Variants in KIF6 observed in about 807,000 individuals in gnomAD.
The protein encoded by KIF6 is kinesin-like protein KIF6.
In KIF6, 106 loss-of-function variants were observed where a neutral mutation model predicts 112.7. That is an observed-to-expected ratio of 0.94 (90% CI 0.80 to 1.11). KIF6 has a LOEUF of 1.11. Ranked by LOEUF, KIF6 falls within the 50% of genes least tolerant of loss-of-function variation. The probability of loss-of-function intolerance (pLI) is 0.00; values close to 1 mark genes in which losing one functional copy is unlikely to be tolerated. For synonymous variants in KIF6, 339 were observed against 339.9 expected, an observed-to-expected ratio of 1.00 and a Z score of 0.03; for missense variants, 929 against 964.0, an observed-to-expected ratio of 0.96 and a Z score of 0.48.
At chr6:39,599,361 TC>T (rs2150692293) in intron 6 of KIF6, among the ~76,000 whole-genome samples, 1 of 152,334 alleles carries the variant, frequency 6.6e-6, no homozygotes, top group East Asian at 1.9e-4. Context: ...GAATGGCAAT[TC>T]AACCAGAAAT....
Position 39,544,632 on chromosome 6 carries a change from T to G in KIF6, c.1349A>C (p.Gln450Pro), listed in dbSNP as rs1313399497. 1 of 1,612,566 alleles carries G rather than the reference T, an allele frequency of 6.2e-7. No individual in the cohort carries two copies. The highest frequency in any genetic ancestry group is 1.1e-5 in the South Asian group (1 of 90,842). Residue 450 changes from glutamine (Q) to proline (P), a missense_variant, in exon 12 of 23, where the codon CAA becomes CCA. By Grantham distance (76) the Gln-to-Pro change is moderately conservative (BLOSUM62 -1). This residue lies in a region of KIF6 where 688 missense variants were observed against 662.7 expected (regional missense o/e 1.04). Coordinates refer to ENST00000287152, the MANE Select transcript of KIF6 (RefSeq NM_145027.6). ...NNTVSSESKD[Q>P]DCQEPLKEEE... ...TTCTTTTAATGGTTCTTGACAATCT[T>G]GGTCTTTGCTTTCAGAGGAGACTGT...
chr6:39,481,375 T>C (rs1774787908), intron 13 of KIF6, among the ~76,000 whole-genome samples: 2 of 152,204 alleles, frequency 1.3e-5, no homozygotes, highest in East Asian at 3.8e-4. Flanking sequence ...CTCTTCAACA[T>C]ATAAAATAAA....
intron 10 of KIF6, among the ~76,000 whole-genome samples, chr6:39,566,936 G>T (rs1780313865): frequency 6.6e-6 from 1 of 152,076 alleles, no homozygotes; most frequent in Non-Finnish European, 1.5e-5. Flanking sequence ...AGAAATTTTA[G>T]TAAATACAGC....
At chr6:39,441,461 T>C (rs2026670) in intron 13 of KIF6, among the ~76,000 whole-genome samples, 63,049 of 151,964 alleles carry the variant, frequency 0.41, 14,354 homozygotes, top group African/African-American at 0.6. Flanking sequence ...CCCTAGCATG[T>C]GTGTATCACT....
At chr6:39,532,127 G>A (rs1778104514) in intron 13 of KIF6, among the ~76,000 whole-genome samples, 1 of 152,172 alleles carries the variant, frequency 6.6e-6, no homozygotes, top group Admixed American at 6.6e-5. Context: ...CAGTAATACA[G>A]ACGTGTACTT....
At chr6:39,589,336 T>TA (rs1781807086) in intron 7 of KIF6, among the ~76,000 whole-genome samples, 2 of 152,166 alleles carry the variant, frequency 1.3e-5, no homozygotes, top group East Asian at 3.9e-4. Flanking sequence ...TTATACTACT[T>TA]ATCACTATTT....
intron 13 of KIF6, among the ~76,000 whole-genome samples, chr6:39,502,293 A>T (rs1776178387): frequency 6.6e-6 from 1 of 152,174 alleles, no homozygotes; most frequent in African/African-American, 2.4e-5. Flanking sequence ...ATGCTGAGGG[A>T]ATTTGGTACC....
intron 3 of KIF6, among the ~76,000 whole-genome samples, chr6:39,705,496 G>C (rs1314424563): frequency 2.0e-5 from 3 of 152,150 alleles, no homozygotes; most frequent in Admixed American, 2.0e-4. Context: ...GGTGCTAAAG[G>C]ATCATCCTCT....
chr6:39,558,920 C>A (rs895904696), intron 10 of KIF6, among the ~76,000 whole-genome samples: 8 of 152,122 alleles, frequency 5.3e-5, no homozygotes, highest in African/African-American at 1.4e-4. Flanking sequence ...TGGAGACAGG[C>A]CTTTTTAATC....
At chr6:39,544,868 T>C (rs1778983564) in intron 11 of KIF6, among the ~76,000 whole-genome samples, 175 bp from the exon 12 acceptor site, 1 of 152,164 alleles carries the variant, frequency 6.6e-6, no homozygotes, top group South Asian at 2.1e-4. Context: ...TTTTCTCCCT[T>C]CTACCTGCCT....
chr6:39,654,413 T>G (rs1785651805), intron 3 of KIF6, among the ~76,000 whole-genome samples: 2 of 152,196 alleles, frequency 1.3e-5, no homozygotes, highest in Non-Finnish European at 1.5e-5. Flanking sequence ...AATTCTAGAT[T>G]GTACCCATTC....
chr6:39,616,035 T>C (rs1167631704), intron 5 of KIF6, among the ~76,000 whole-genome samples: 1 of 152,202 alleles, frequency 6.6e-6, no homozygotes, highest in Non-Finnish European at 1.5e-5. Flanking sequence ...TCTCTCACCA[T>C]TACTTCACTG....
chr6:39,516,697 T>C (rs1450642716), intron 13 of KIF6, among the ~76,000 whole-genome samples: 2 of 152,174 alleles, frequency 1.3e-5, no homozygotes, highest in Admixed American at 1.3e-4. Context: ...TTAAAACTTC[T>C]ATGGCATCAT....
chr6:39,588,373 C>A (rs993512430), intron 7 of KIF6, among the ~76,000 whole-genome samples: 1 of 151,962 alleles, frequency 6.6e-6, no homozygotes, highest in Admixed American at 6.6e-5. Context: ...ACCACCACAC[C>A]CAGCTAATTT....
chr6:39,579,820 A>G lies in KIF6; in HGVS notation c.1078-1661T>C, dbSNP rs150577675. On this transcript the variant is annotated intron_variant, in intron 9 of 22. Coordinates refer to ENST00000287152, the MANE Select transcript of KIF6 (RefSeq NM_145027.6). Reference sequence around the variant, plus strand: ...TATTATAATTATATAATATGTTTATATATATAAATGTGTCTATTTCTGGGC... The same window carrying G: ...TATTATAATTATATAATATGTTTATGTATATAAATGTGTCTATTTCTGGGC... 1.3e-3 allele frequency among the ~76,000 whole-genome samples: 202 copies of G among 152,042 alleles called. 2 individuals are homozygous for G. The highest frequency in any genetic ancestry group is 6.4e-3 in the East Asian group (33 of 5,192).
At chr6:39,617,936 T>C (rs914831106) in intron 5 of KIF6, among the ~76,000 whole-genome samples, 3 of 152,224 alleles carry the variant, frequency 2.0e-5, no homozygotes, top group African/African-American at 4.8e-5. Context: ...ATATCCTTTT[T>C]GTTTCTCCCC....
chr6:39,691,667 T>C (rs986079112), intron 3 of KIF6: 5 of 152,324 alleles, frequency 3.3e-5, no homozygotes, highest in South Asian at 2.1e-4. Flanking sequence ...GAGAAAAACA[T>C]GTTTACATAA....
At chr6:39,579,347 A>T (rs1781158721) in intron 9 of KIF6, among the ~76,000 whole-genome samples, 1 of 152,134 alleles carries the variant, frequency 6.6e-6, no homozygotes, top group South Asian at 2.1e-4. Flanking sequence ...GTCATTTTGC[A>T]TATGTATATT....
chr6:39,498,185 TA>T (rs1775895742), intron 13 of KIF6, among the ~76,000 whole-genome samples: 1 of 152,044 alleles, frequency 6.6e-6, no homozygotes, highest in Admixed American at 6.6e-5. Flanking sequence ...CAATCTACAT[TA>T]AAAAAATAAT....
Sources: gnomAD v4.1 joint callset for allele counts (sites outside exome capture counted in the v4.1 genomes callset) on GRCh38, gnomAD v4.1.1 for gene constraint, gnomAD v4.1.1 regional missense constraint, MANE v1.5 for transcripts, NCBI Gene and HGNC (gene_info 2026-07-23, HGNC 2026-07-21) for gene names.